The following IQSEC1 variants were observed in gnomAD, a reference collection of about 807,000 sequenced individuals.
IQSEC1 encodes the protein IQ motif and SEC7 domain-containing protein 1.
IQSEC1 carries 31 observed loss-of-function variants against 91.0 expected under a neutral mutation model. The ratio of observed to expected loss-of-function variants is 0.34; its 90% CI spans 0.26 to 0.46. IQSEC1 has a LOEUF of 0.46. IQSEC1 is among the 20% of genes least tolerant of loss of function. The pLI is 1.00. For missense variants in IQSEC1, 1,388 were observed against 1,575.6 expected (o/e 0.88, Z 2.02); for synonymous variants, 699 against 662.6 (o/e 1.05, Z -0.84).
intron 2 of IQSEC1, among the ~76,000 whole-genome samples, chr3:13,150,585 A>C (rs879407811): frequency 1.3e-5 from 2 of 152,208 alleles, no homozygotes; most frequent in East Asian, 1.9e-4. Flanking sequence ...TCGGGGCAGC[A>C]GGAGTTCAGG....
At chr3:13,158,680 C>T (rs928958500) in intron 2 of IQSEC1, among the ~76,000 whole-genome samples, 1 of 152,170 alleles carries the variant, frequency 6.6e-6, no homozygotes, top group Non-Finnish European at 1.5e-5. Context: ...ATGCAATATG[C>T]TTCTAAGGTC....
rs1698079184 is a variant in IQSEC1 at position 12,935,409 on chromosome 3, C to A, written c.1568+39G>T. The A allele has an allele frequency of 1.3e-6, 2 of 1,575,244 alleles. No individual in the cohort carries two copies. The highest frequency in any genetic ancestry group is 1.7e-6 in the Non-Finnish European group (2 of 1,155,940). ...GCCCACCCGCCAAGGCCCAGCAAGC[C>A]ACAGCTGCCCACCCTGAGGGGTCAC... is the stretch of plus-strand genomic sequence containing the variant. On this transcript the variant is annotated intron_variant, in intron 3 of 13. Coordinates refer to ENST00000613206, the MANE Select transcript of IQSEC1 (RefSeq NM_001134382.3). This position sits in a 1 kb window ranked among gnomAD's most constrained non-coding sequence, Gnocchi z 8.0.
chr3:12,993,604 A>G (rs1702090282), intron 1 of IQSEC1, among the ~76,000 whole-genome samples: 1 of 152,150 alleles, frequency 6.6e-6, no homozygotes. Flanking sequence ...GAAGAGATGG[A>G]GCACCCCGCC....
At chr3:12,961,183 C>G (rs1388932202) in intron 1 of IQSEC1, among the ~76,000 whole-genome samples, 1 of 152,226 alleles carries the variant, frequency 6.6e-6, no homozygotes. Flanking sequence ...ACCAGGAAGC[C>G]AGACCTGCCC....
chr3:13,131,528 C>T (rs1706620905), intron 2 of IQSEC1, among the ~76,000 whole-genome samples: 1 of 140,142 alleles, frequency 7.1e-6, no homozygotes, highest in African/African-American at 2.6e-5. Flanking sequence ...ACTTTGTCAC[C>T]CAGACTGGAG....
At chr3:12,928,327 T>A (rs753187690) in intron 3 of IQSEC1, among the ~76,000 whole-genome samples, 7 of 152,150 alleles carry the variant, frequency 4.6e-5, no homozygotes, top group Non-Finnish European at 8.8e-5. Flanking sequence ...GTGCGGGCGA[T>A]GGATTCCACC....
chr3:13,199,499 C>T (rs977330169), intron 1 of IQSEC1, among the ~76,000 whole-genome samples: 2 of 152,200 alleles, frequency 1.3e-5, no homozygotes, highest in Non-Finnish European at 2.9e-5. Context: ...AAATCCTCCC[C>T]ACAGCCCAGC....
chr3:13,083,445 C>T (rs73813165), intron 2 of IQSEC1, among the ~76,000 whole-genome samples: 280 of 152,340 alleles, frequency 1.8e-3, no homozygotes, highest in African/African-American at 6.2e-3. Context: ...CCTGGGCAAA[C>T]GACTCAGCCT....
chr3:13,116,426 T>C (rs1301887464), intron 2 of IQSEC1, among the ~76,000 whole-genome samples: 1 of 152,172 alleles, frequency 6.6e-6, no homozygotes, highest in Non-Finnish European at 1.5e-5. Context: ...ACAGACAGAC[T>C]AGAATAGAGA....
chr3:13,256,093 G>A (rs553696810), intron 1 of IQSEC1, among the ~76,000 whole-genome samples: 1 of 152,284 alleles, frequency 6.6e-6, no homozygotes, highest in Admixed American at 6.5e-5. Context: ...CTTGGCAAGA[G>A]TTGCCTTAGG....
rs1262891327 is a variant in IQSEC1, at chr3:12,915,702, C to G, written c.2052G>C (p.Glu684Asp). The change falls in exon 7 of 14, where the codon GAG becomes GAC. Residue 684 changes from glutamate to aspartate, a missense_variant. Glu to Asp is a conservative substitution (Grantham distance 45, BLOSUM62 2). Transcript: ENST00000613206. ...TCCGTTCATAGATCCCCATCAGCAT[C>G]TCACGGGGAATGTCCTCACCATCGT... is the stretch of plus-strand genomic sequence containing the variant. ...GVDDGEDIPREMLMGIYERIR... is the reference protein window; with the variant it reads ...GVDDGEDIPRDMLMGIYERIR... 6.2e-7 allele frequency: 1 copy of G among 1,614,162 alleles called. No homozygotes were observed. Among genetic ancestry groups the G allele is most frequent in the Admixed American group, 1.7e-5 (1 of 60,020 alleles).
chr3:13,103,447 G>C lies in IQSEC1; in HGVS notation c.303-55925C>G, dbSNP rs2124837693. The stretch of plus-strand genomic sequence containing the variant: ...GGGAGTGGCAGGTGTGTTTAAAGCT[G>C]TATGATCACCATCCTCAGTCACTGG... On this transcript the variant is annotated intron_variant, in intron 2 of 15. Transcript: ENST00000648114. This position sits in a 1 kb window ranked among gnomAD's most constrained non-coding sequence, Gnocchi z 4.1. 6.6e-6 allele frequency among the ~76,000 whole-genome samples: 1 copy of C among 152,128 alleles called. No individual in the cohort carries two copies. Among genetic ancestry groups the C allele is most frequent in the Non-Finnish European group, 1.5e-5 (1 of 68,008 alleles).
chr3:13,079,294 T>A (rs58608948), intron 2 of IQSEC1, among the ~76,000 whole-genome samples: 24,706 of 152,220 alleles, frequency 0.16, 2,119 homozygotes, highest in Non-Finnish European at 0.18. Context: ...CCTGCATCCG[T>A]AAGTGCTGAC....
chr3:13,224,597 T>C (rs1280593462), intron 1 of IQSEC1, among the ~76,000 whole-genome samples: 2 of 152,022 alleles, frequency 1.3e-5, no homozygotes, highest in Non-Finnish European at 2.9e-5. Flanking sequence ...CCAGGGCATG[T>C]CTTGGGGTTC....
At chr3:12,950,283 T>C (rs1407150340) in intron 1 of IQSEC1, among the ~76,000 whole-genome samples, 1 of 152,232 alleles carries the variant, frequency 6.6e-6, no homozygotes, top group Non-Finnish European at 1.5e-5. Context: ...TTCTCGGGAC[T>C]GCAGTCCCCA....
At chr3:13,174,902 T>G (rs1259915681) in intron 1 of IQSEC1, among the ~76,000 whole-genome samples, 2 of 150,662 alleles carry the variant, frequency 1.3e-5, no homozygotes, top group Non-Finnish European at 3.0e-5. Context: ...TCCCGGTGTT[T>G]CTCACACACA....
At chr3:13,161,603 CA>C (rs1320168455) in intron 2 of IQSEC1, among the ~76,000 whole-genome samples, 1 of 152,226 alleles carries the variant, frequency 6.6e-6, no homozygotes, top group African/African-American at 2.4e-5. Context: ...TGGGAAGAAA[CA>C]CAATGCCTGT....
chr3:12,921,608 G>A (rs1188308320), intron 5 of IQSEC1, among the ~76,000 whole-genome samples: 1 of 152,340 alleles, frequency 6.6e-6, no homozygotes, highest in East Asian at 1.9e-4. Flanking sequence ...AATTTCACAG[G>A]TGAAGAAATG....
intron 3 of IQSEC1, among the ~76,000 whole-genome samples, chr3:12,925,078 G>A (rs1191862348): frequency 6.6e-6 from 1 of 151,152 alleles, no homozygotes; most frequent in Non-Finnish European, 1.5e-5. Context: ...TTCTGTGGGA[G>A]CTGGAGCTGG....
Sources: gnomAD v4.1 joint callset for allele counts (sites outside exome capture counted in the v4.1 genomes callset) on GRCh38, gnomAD v4.1.1 for gene constraint, Gnocchi (gnomAD v3.1) non-coding constraint, MANE v1.5 for transcripts, NCBI Gene and HGNC (gene_info 2026-07-23, HGNC 2026-07-21) for gene names.